The following MAGI2 variants were observed in gnomAD, a reference collection of about 807,000 sequenced individuals.
The protein encoded by MAGI2 is membrane associated guanylate kinase, WW and PDZ domain containing 2.
Under a neutral mutation model 133.3 loss-of-function variants are expected in MAGI2, and 35 were observed. The observed-to-expected ratio is 0.26, with a 90% CI of 0.20 to 0.35. The LOEUF is 0.35. MAGI2 is among the 10% of genes least tolerant of loss of function. The probability of loss-of-function intolerance (pLI) is 1.00; values close to 1 mark genes in which losing one functional copy is unlikely to be tolerated. For synonymous variants in MAGI2, 729 were observed against 710.6 expected, an observed-to-expected ratio of 1.03 and a Z score of -0.41; for missense variants, 1,636 against 1,863.4, an observed-to-expected ratio of 0.88 and a Z score of 2.25.
At chr7:79,369,676 G>C (rs974192611) in intron 1 of MAGI2, among the ~76,000 whole-genome samples, 5 of 152,174 alleles carry the variant, frequency 3.3e-5, no homozygotes, top group African/African-American at 1.2e-4. Flanking sequence ...TGAGATTGTT[G>C]TGTGGGTTGT....
At chr7:78,612,892 G>C (rs959576751) in intron 3 of MAGI2, among the ~76,000 whole-genome samples, 1 of 151,968 alleles carries the variant, frequency 6.6e-6, no homozygotes, top group Non-Finnish European at 1.5e-5. Context: ...GGATGGTCTC[G>C]ATCTCCTGAC....
At chr7:78,322,864 T>G (rs1452732722) in intron 9 of MAGI2, among the ~76,000 whole-genome samples, 1 of 152,174 alleles carries the variant, frequency 6.6e-6, no homozygotes, top group African/African-American at 2.4e-5. Flanking sequence ...TCTTTGGAGT[T>G]TCGACCCTAA....
At chr7:79,119,949 AT>A (rs952709326) in intron 1 of MAGI2, among the ~76,000 whole-genome samples, 2 of 152,044 alleles carry the variant, frequency 1.3e-5, no homozygotes, top group Admixed American at 1.3e-4. Context: ...GCCCTGAGTC[AT>A]TTTTTTCTGA....
chr7:78,573,266 ATATATAAATATATATATT>A (rs1339531721), intron 3 of MAGI2, among the ~76,000 whole-genome samples: 1,363 of 24,144 alleles, frequency 0.056, 99 homozygotes, highest in African/African-American at 0.16. Flanking sequence ...AAATATAAAT[ATATATAAATATATATATT>A]TATATAAATA....
chr7:78,855,907 A>C (rs577655493), intron 2 of MAGI2, among the ~76,000 whole-genome samples: 15 of 152,188 alleles, frequency 9.9e-5, no homozygotes, highest in African/African-American at 3.1e-4. Context: ...CACATCCTCT[A>C]CAGCACCTGT....
At chr7:79,186,104 C>T (rs1005448115) in intron 1 of MAGI2, among the ~76,000 whole-genome samples, 1 of 150,454 alleles carries the variant, frequency 6.6e-6, no homozygotes, top group African/African-American at 2.4e-5. Flanking sequence ...TGTAGACATA[C>T]AAAGACCAAC....
At chr7:78,370,741 T>C (rs1793836070) in intron 6 of MAGI2, among the ~76,000 whole-genome samples, 1 of 151,976 alleles carries the variant, frequency 6.6e-6, no homozygotes, top group African/African-American at 2.4e-5. Flanking sequence ...TTTTAGAATT[T>C]AGAATTTTTG....
At position 78,688,314 on chromosome 7, in the gene MAGI2, G is replaced by A. The variant is rs147750810; in HGVS notation, c.419-61075C>T. ...GTCTCTCACTTAGCCTTTGGCTGAG[G>A]TTGTCTGGCTCACTACGATAAAGGA... On this transcript the variant is annotated intron_variant, in intron 2 of 21. Coordinates refer to ENST00000354212, the MANE Select transcript of MAGI2 (RefSeq NM_012301.4). Among the ~76,000 whole-genome samples, 6 of 152,262 alleles carry A rather than the reference G, an allele frequency of 3.9e-5. No individual in the cohort carries two copies. The East Asian group carries it at 1.2e-3, about 29-fold the overall frequency.
chr7:78,912,377 A>G (rs369138415), intron 2 of MAGI2, among the ~76,000 whole-genome samples: 4 of 152,262 alleles, frequency 2.6e-5, no homozygotes, highest in South Asian at 4.1e-4. Context: ...GATTGGATTC[A>G]AGGATACAAA....
In MAGI2 at chr7:78,135,131, C is replaced by T. The variant is rs776711783; in HGVS notation, c.2921G>A (p.Arg974Gln). ...DRCAKLKVGDRILAVNGQSII... is the reference protein window; with the variant it reads ...DRCAKLKVGDQILAVNGQSII... Reference sequence around the variant, plus strand: ...AGACTGGCCATTCACTGCTAGGATCCGGTCTCCCACTTTTAGTTTTGCACA... The same window carrying T: ...AGACTGGCCATTCACTGCTAGGATCTGGTCTCCCACTTTTAGTTTTGCACA... The change falls in exon 17 of 22, where the codon CGG becomes CAG. Residue 974 changes from arginine (R) to glutamine (Q), a missense_variant. Arg to Gln is a conservative substitution (Grantham distance 43). Around this residue, in one of 5 missense-constraint regions of MAGI2, gnomAD observed 920 missense variants for 1,093.5 expected, o/e 0.84. Coordinates refer to ENST00000354212, the MANE Select transcript of MAGI2 (RefSeq NM_012301.4). 25 of 1,614,024 alleles carry T rather than the reference C, an allele frequency of 1.5e-5. No homozygotes were observed. The highest frequency in any genetic ancestry group is 6.7e-5 in the African/African-American group (5 of 74,910).
At chr7:79,386,684 A>G (rs1217832777) in intron 1 of MAGI2, among the ~76,000 whole-genome samples, 1 of 151,940 alleles carries the variant, frequency 6.6e-6, no homozygotes, top group African/African-American at 2.4e-5. Flanking sequence ...GGACAATTCC[A>G]CTCCTTTACT....
At chr7:79,186,033 T>C (rs1381324782) in intron 1 of MAGI2, among the ~76,000 whole-genome samples, 2 of 151,410 alleles carry the variant, frequency 1.3e-5, no homozygotes, top group Non-Finnish European at 2.9e-5. Flanking sequence ...TTTTTGATAG[T>C]GAATTTTATG....
At chr7:78,304,486 C>A (rs1211898139) in intron 9 of MAGI2, among the ~76,000 whole-genome samples, 1 of 152,232 alleles carries the variant, frequency 6.6e-6, no homozygotes, top group Non-Finnish European at 1.5e-5. Flanking sequence ...AAGAGCAACA[C>A]ATGATTTGCT....
rs541408573 is a variant in MAGI2, at chr7:78,095,432, C to T, written c.3568-16347G>A. Among the ~76,000 whole-genome samples, 39 of 152,290 alleles carry T rather than the reference C, an allele frequency of 2.6e-4. 1 individual carries two copies. In the South Asian group the frequency reaches 7.9e-3, roughly 31 times the overall value. On this transcript the variant is annotated intron_variant, in intron 20 of 21. Coordinates refer to ENST00000354212, the MANE Select transcript of MAGI2 (RefSeq NM_012301.4). Reference sequence around the variant, plus strand: ...CCCAAATCACCTTTTGTAGTGTCCACTCAACCCATGGGAAATGGTGGGAGT... The same window carrying T: ...CCCAAATCACCTTTTGTAGTGTCCATTCAACCCATGGGAAATGGTGGGAGT...
intron 2 of MAGI2, among the ~76,000 whole-genome samples, chr7:79,001,343 C>T (rs1020155716): frequency 6.6e-6 from 1 of 152,196 alleles, no homozygotes; most frequent in East Asian, 1.9e-4. Flanking sequence ...AACTGTCTCA[C>T]CAAATGACAA....
At chr7:78,555,615 T>C (rs998719990) in intron 3 of MAGI2, among the ~76,000 whole-genome samples, 1 of 152,192 alleles carries the variant, frequency 6.6e-6, no homozygotes, top group Non-Finnish European at 1.5e-5. Context: ...TGTCTGCACT[T>C]GGGAACTGAG....
At position 78,324,151 on chromosome 7, in the gene MAGI2, TAC is replaced by T. The variant is rs1323392162; in HGVS notation, c.1408+19625_1408+19626del. ...CACACTACACTACACTACACTACACTACACACTACACTACACTACACACTACA... is the reference window on the plus strand; with the variant it reads ...CACACTACACTACACTACACTACACTACACTACACTACACTACACACTACA... On this transcript the variant is annotated intron_variant, in intron 9 of 21. Transcript: ENST00000354212. Among the ~76,000 whole-genome samples, 867 of 123,964 alleles carry T rather than the reference TAC, an allele frequency of 7.0e-3. 10 individuals carry two copies. The highest frequency in any genetic ancestry group is 0.029 in the African/African-American group (838 of 28,804). The allele number at this position is 123,964 out of a possible 152,430, so 81.3% of individuals were successfully genotyped here.
chr7:79,276,900 G>T (rs1835267583), intron 1 of MAGI2, among the ~76,000 whole-genome samples: 1 of 152,186 alleles, frequency 6.6e-6, no homozygotes, highest in South Asian at 2.1e-4. Context: ...AGAGGTGGAG[G>T]TTGCAGTGAG....
At chr7:78,635,033 AAAC>A (rs1174890727) in intron 2 of MAGI2, among the ~76,000 whole-genome samples, 4 of 152,232 alleles carry the variant, frequency 2.6e-5, no homozygotes, top group South Asian at 2.1e-4. Context: ...TTAATTTCTT[AAAC>A]AACAGCTTAT....
Sources: allele counts gnomAD v4.1 joint callset (sites outside exome capture counted in the v4.1 genomes callset), GRCh38; gene constraint gnomAD v4.1.1; regional missense constraint gnomAD v4.1.1; transcripts MANE v1.5; gene names NCBI Gene and HGNC (gene_info 2026-07-23, HGNC 2026-07-21).